STIL: variants seen among roughly 807,000 people sequenced by gnomAD.
STIL encodes STIL centriolar assembly protein, also known as SCL-interrupting locus protein.
Under a neutral mutation model 110.1 loss-of-function variants are expected in STIL, and 55 were observed. The ratio of observed to expected loss-of-function variants is 0.50; its 90% CI spans 0.40 to 0.63. The LOEUF (loss-of-function observed/expected upper bound fraction) is 0.63, where lower values mean the gene tolerates loss of function less well. Among genes scored for constraint, STIL ranks in the 20% least tolerant of loss-of-function variants. The pLI is 0.00. For missense variants in STIL, 1,358 were observed against 1,530.0 expected, an observed-to-expected ratio of 0.89 and a Z score of 1.87; for synonymous variants, 481 against 530.0, an observed-to-expected ratio of 0.91 and a Z score of 1.27.
chr1:47,307,717 C>T (rs1170073639), intron 2 of STIL, among the ~76,000 whole-genome samples: 1 of 152,234 alleles, frequency 6.6e-6, no homozygotes, highest in Non-Finnish European at 1.5e-5. Context: ...TAACCTTAAA[C>T]TCTGACCGCC....
chr1:47,263,110 A>G lies in STIL; in HGVS notation c.2622T>C (p.Ser874=), dbSNP rs1001583936. ...FNQPLSVSNS[S]SLVVRKEPDV... ...CAGGTTCTTTTCTCACAACTAGAGAAGAGCTGCTGGGAAGGATATATAATG... is the reference window on the plus strand; with the variant it reads ...CAGGTTCTTTTCTCACAACTAGAGAGGAGCTGCTGGGAAGGATATATAATG... Residue 874 remains serine, a synonymous_variant, in exon 15 of 17, where the codon TCT becomes TCC. Coordinates refer to ENST00000371877, the MANE Select transcript of STIL (RefSeq NM_001048166.1). The G allele has an allele frequency of 6.2e-7, 1 of 1,614,036 alleles. No individual in the cohort carries two copies. Among genetic ancestry groups the G allele is most frequent in the Admixed American group, 1.7e-5 (1 of 60,000 alleles).
rs144568919 is a variant in STIL at position 47,289,749 on chromosome 1, C to T, written c.873-164G>A. Among the ~76,000 whole-genome samples, 144 of 152,044 alleles carry T rather than the reference C, an allele frequency of 9.5e-4. 4 individuals carry two copies. The East Asian group carries it at 0.026, about 27-fold the overall frequency. On this transcript the variant is annotated intron_variant, in intron 8 of 16. Coordinates refer to ENST00000371877, the MANE Select transcript of STIL (RefSeq NM_001048166.1). Reference sequence around the variant, plus strand: ...TTAGGAAGGCAAAAGGTGGGAGGATCGCTTGAGGCCAGGAGTTTGAGACCA... The same window carrying T: ...TTAGGAAGGCAAAAGGTGGGAGGATTGCTTGAGGCCAGGAGTTTGAGACCA...
intron 1 of STIL, among the ~76,000 whole-genome samples, chr1:47,313,431 C>T (rs947391946): frequency 1.8e-5 from 2 of 110,508 alleles, no homozygotes; most frequent in African/African-American, 5.3e-5. Context: ...CCAACCTTAA[C>T]CCCCCCATCC....
intron 3 of STIL, among the ~76,000 whole-genome samples, chr1:47,302,708 G>C (rs926264266): frequency 6.6e-6 from 1 of 152,136 alleles, no homozygotes; most frequent in African/African-American, 2.4e-5. Flanking sequence ...TTATCTCTGG[G>C]AGACATGTTC....
In STIL at chr1:47,263,044, A is replaced by G. The variant is rs1438211190; in HGVS notation, c.2688T>C (p.Ser896=). 5 of 1,614,046 alleles carry G rather than the reference A, an allele frequency of 3.1e-6. No homozygotes were observed. Among genetic ancestry groups the G allele is most frequent in the Middle Eastern group, 1.6e-4 (1 of 6,084 alleles). Residue 896 remains serine (S), a synonymous_variant, in exon 15 of 17, where the codon AGT becomes AGC. Coordinates refer to ENST00000371877, the MANE Select transcript of STIL (RefSeq NM_001048166.1). The part of the protein sequence containing the change: ...VFFPSGQLAE[S]VSMCLQTGPT... Reference sequence around the variant, plus strand: ...GTCCAGTCTGTAAACACATGCTTACACTTTCTGCCAGCTGGCCACTTGGAA... The same window carrying G: ...GTCCAGTCTGTAAACACATGCTTACGCTTTCTGCCAGCTGGCCACTTGGAA...
intron 14 of STIL, among the ~76,000 whole-genome samples, chr1:47,265,825 C>T (rs957622446): frequency 1.3e-5 from 2 of 148,346 alleles, no homozygotes; most frequent in African/African-American, 4.9e-5. Flanking sequence ...CTCTCTCTGT[C>T]ACCCAGGCTG....
At chr1:47,291,463 G>A (rs998020787) in intron 8 of STIL, among the ~76,000 whole-genome samples, 2 of 151,910 alleles carry the variant, frequency 1.3e-5, no homozygotes, top group African/African-American at 2.4e-5. Context: ...CTATCATTCA[G>A]ACACACAACA....
rs35801422 is a variant in STIL, at chr1:47,285,020, CT to C, written c.1133+2530del. Among the ~76,000 whole-genome samples, 1,229 of 134,676 alleles carry C rather than the reference CT, an allele frequency of 9.1e-3. 7 individuals carry two copies. The highest frequency in any genetic ancestry group is 0.033 in the East Asian group (151 of 4,540). 88.4% of individuals were successfully genotyped at this position (134,676 alleles called of 152,430 possible). A position where few individuals can be genotyped will look rare whatever the true frequency, so the allele number is the denominator to read the frequency against. On this transcript the variant is annotated intron_variant, in intron 10 of 16. Transcript: ENST00000371877. ...CAGCCTACCTGTAGACATTTTTTGT[CT>C]TTTTTTTTTTTTTTTTCTTTGAGAC...
chr1:47,267,932 T>G (rs1318957353), intron 14 of STIL, among the ~76,000 whole-genome samples: 1 of 152,064 alleles, frequency 6.6e-6, no homozygotes, highest in African/African-American at 2.4e-5. Context: ...AATTTCATAA[T>G]GAAAAATTTC....
intron 13 of STIL, 23 bp from the exon 14 acceptor site, chr1:47,269,889 T>C (rs778263807): frequency 6.3e-7 from 1 of 1,587,072 alleles, no homozygotes; most frequent in Non-Finnish European, 8.7e-7. Flanking sequence ...TAATTTAAGA[T>C]ACTGAAACAA....
chr1:47,300,069 C>T lies in STIL; in HGVS notation c.537G>A (p.Glu179=), dbSNP rs1645758296. The T allele has an allele frequency of 6.2e-7, 1 of 1,614,152 alleles. No homozygotes were observed. The highest frequency in any genetic ancestry group is 8.5e-7 in the Non-Finnish European group (1 of 1,180,018). ...LSLRVHITSR[E]SLDSVEFDLH... Reference sequence around the variant, plus strand: ...AGTCAAATTCCACACTGTCCAAACTCTCCCTGGAAGTGATATGAACTCTTA... The same window carrying T: ...AGTCAAATTCCACACTGTCCAAACTTTCCCTGGAAGTGATATGAACTCTTA... The change falls in exon 6 of 17, where the codon GAG becomes GAA. Residue 179 remains glutamate (E), a synonymous_variant. Coordinates refer to ENST00000371877, the MANE Select transcript of STIL (RefSeq NM_001048166.1).
chr1:47,257,493 C>A (rs1644361166), intron 16 of STIL, among the ~76,000 whole-genome samples: 1 of 152,052 alleles, frequency 6.6e-6, no homozygotes, highest in African/African-American at 2.4e-5. Flanking sequence ...GGTGACAGAG[C>A]AAGATCCTAT....
At chr1:47,258,306 T>G (rs1644380833) in intron 16 of STIL, among the ~76,000 whole-genome samples, 1 of 152,198 alleles carries the variant, frequency 6.6e-6, no homozygotes, top group African/African-American at 2.4e-5. Context: ...CTACTAAGAC[T>G]TTGAATGCAC....
At chr1:47,253,068 G>A (rs1271808167) in intron 16 of STIL, among the ~76,000 whole-genome samples, 8 of 151,952 alleles carry the variant, frequency 5.3e-5, no homozygotes, top group Admixed American at 3.9e-4. Context: ...CTCCCTCCTC[G>A]AATTCCCAAA....
In STIL at chr1:47,251,745, C is replaced by T. The variant is rs1450296852; in HGVS notation, c.3258G>A (p.Ser1086=). The T allele has an allele frequency of 6.2e-6, 10 of 1,614,058 alleles. No homozygotes were observed. Among genetic ancestry groups the T allele is most frequent in the East Asian group, 2.2e-5 (1 of 44,882 alleles). The part of the protein sequence containing the change: ...NQLSQLSVTR[S]NQNNCDPFSL... ...TGAATGGGTCACAATTATTTTGGTT[C>T]GATCGAGTGACAGACAGTTGTGACA... Residue 1086 remains serine, a synonymous_variant, in exon 17 of 17, where the codon TCG becomes TCA. Transcript: ENST00000371877.
At chr1:47,274,244 A>C (rs1456498587) in intron 12 of STIL, among the ~76,000 whole-genome samples, 1 of 152,354 alleles carries the variant, frequency 6.6e-6, no homozygotes, top group South Asian at 2.1e-4. Context: ...CCTAAAATTG[A>C]TCACTCAGTG....
chr1:47,293,839 A>G (rs778837810), intron 7 of STIL, among the ~76,000 whole-genome samples: 1 of 152,196 alleles, frequency 6.6e-6, no homozygotes, highest in Non-Finnish European at 1.5e-5. Context: ...GATGTGGGAA[A>G]GAAAATGGTT....
At chr1:47,254,462 TG>T (rs1644273375) in intron 16 of STIL, among the ~76,000 whole-genome samples, 1 of 152,156 alleles carries the variant, frequency 6.6e-6, no homozygotes, top group Non-Finnish European at 1.5e-5. Flanking sequence ...GTAAATAATT[TG>T]ATAAAAGCAA....
intron 12 of STIL, among the ~76,000 whole-genome samples, chr1:47,275,269 G>C (rs1644957031): frequency 6.6e-6 from 1 of 151,524 alleles, no homozygotes; most frequent in African/African-American, 2.4e-5. Flanking sequence ...AAATAAAAAA[G>C]AAGCAACAAA....
Sources: gnomAD v4.1 joint callset for allele counts (sites outside exome capture counted in the v4.1 genomes callset) on GRCh38, gnomAD v4.1.1 for gene constraint, MANE v1.5 for transcripts, NCBI Gene and HGNC (gene_info 2026-07-23, HGNC 2026-07-21) for gene names.